The following GRID1 variants were observed in gnomAD, a reference collection of about 807,000 sequenced individuals.
The protein encoded by GRID1 is glutamate ionotropic receptor delta type subunit 1.
Under a neutral mutation model 98.0 loss-of-function variants are expected in GRID1, and 28 were observed. That is an observed-to-expected ratio of 0.29 (90% CI 0.21 to 0.39). The LOEUF is 0.39. Among genes scored for constraint, GRID1 ranks in the 10% least tolerant of loss-of-function variants. The pLI, the probability that GRID1 is intolerant of heterozygous loss-of-function variation, is 1.00. For missense variants in GRID1, 1,111 were observed against 1,340.5 expected, an observed-to-expected ratio of 0.83 and a Z score of 2.67; for synonymous variants, 553 against 538.5, an observed-to-expected ratio of 1.03 and a Z score of -0.37.
intron 12 of GRID1, among the ~76,000 whole-genome samples, chr10:85,696,706 T>C (rs1348735775): frequency 6.6e-5 from 10 of 152,052 alleles, no homozygotes; most frequent in Admixed American, 6.6e-4. Context: ...TGTCTTTATT[T>C]TTCTCTCCTC....
intron 4 of GRID1, among the ~76,000 whole-genome samples, chr10:85,972,458 T>C (rs1842421292): frequency 6.8e-6 from 1 of 148,110 alleles, no homozygotes; most frequent in South Asian, 2.1e-4. Flanking sequence ...AATATATGTA[T>C]ATATTTATAT....
chr10:85,644,971 C>T (rs1400061884), intron 13 of GRID1, among the ~76,000 whole-genome samples: 1 of 152,224 alleles, frequency 6.6e-6, no homozygotes, highest in African/African-American at 2.4e-5. Flanking sequence ...AAGGCCTGTG[C>T]AAGCCTCTTG....
At chr10:85,882,889 T>A (rs1841055549) in intron 5 of GRID1, among the ~76,000 whole-genome samples, 1 of 152,170 alleles carries the variant, frequency 6.6e-6, no homozygotes, top group African/African-American at 2.4e-5. Context: ...TACAGTAGCA[T>A]GTTATGCTAT....
intron 13 of GRID1, among the ~76,000 whole-genome samples, chr10:85,624,871 T>C (rs1199094209): frequency 6.6e-6 from 1 of 152,094 alleles, no homozygotes; most frequent in Non-Finnish European, 1.5e-5. Flanking sequence ...AAATTAAGAG[T>C]TGACTCTAAA....
intron 8 of GRID1, among the ~76,000 whole-genome samples, chr10:85,845,045 C>T (rs1590261586): frequency 6.6e-6 from 1 of 151,496 alleles, no homozygotes; most frequent in Non-Finnish European, 1.5e-5. Flanking sequence ...ATAAAGATGT[C>T]CACTGTTATT....
chr10:86,110,082 C>T (rs1255095283), intron 4 of GRID1, among the ~76,000 whole-genome samples: 1 of 151,022 alleles, frequency 6.6e-6, no homozygotes, highest in Non-Finnish European at 1.5e-5. Flanking sequence ...AAGCAATTCT[C>T]CTGTCTCAGC....
At chr10:86,093,247 G>C (rs1844173060) in intron 4 of GRID1, among the ~76,000 whole-genome samples, 1 of 152,156 alleles carries the variant, frequency 6.6e-6, no homozygotes, top group Admixed American at 6.5e-5. Flanking sequence ...TAAGAGGAAA[G>C]TTCATAGCCC....
rs578083476 is a variant in GRID1, at chr10:85,989,689, C to T, written c.727-73450G>A. On this transcript the variant is annotated intron_variant, in intron 4 of 15. Coordinates refer to ENST00000327946, the MANE Select transcript of GRID1 (RefSeq NM_017551.3). ...AACTAGCCTTCAACCCCCACTGGTCCGTGGAAACATTGTCTTCCACGAAAT... is the reference window on the plus strand; with the variant it reads ...AACTAGCCTTCAACCCCCACTGGTCTGTGGAAACATTGTCTTCCACGAAAT... 3.1e-4 allele frequency among the ~76,000 whole-genome samples: 47 copies of T among 152,296 alleles called. No homozygotes were observed. In the East Asian group the frequency reaches 6.9e-3, roughly 23 times the overall value.
intron 4 of GRID1, among the ~76,000 whole-genome samples, chr10:86,056,638 G>T (rs1306009056): frequency 2.0e-5 from 3 of 152,218 alleles, no homozygotes; most frequent in Admixed American, 6.5e-5. Flanking sequence ...TACAGCCAAA[G>T]AAATGAAGTT....
chr10:85,785,807 G>T (rs1388581984), intron 8 of GRID1, among the ~76,000 whole-genome samples: 1 of 151,924 alleles, frequency 6.6e-6, no homozygotes, highest in African/African-American at 2.4e-5. Context: ...TAAAACCAAA[G>T]ACAGATTGGC....
chr10:86,084,550 G>A (rs530162983), intron 4 of GRID1, among the ~76,000 whole-genome samples: 1 of 152,246 alleles, frequency 6.6e-6, no homozygotes, highest in Admixed American at 6.5e-5. Flanking sequence ...CCCAAAATAA[G>A]TGAAAGCAGG....
rs1335355684 is a variant in GRID1, at chr10:85,724,594, T to C, written c.1616A>G (p.Tyr539Cys). Residue 539 changes from tyrosine to cysteine, a missense_variant, in exon 11 of 16, where the codon TAT becomes TGT. Coordinates refer to ENST00000327946, the MANE Select transcript of GRID1 (RefSeq NM_017551.3). ...VVDFSKRYMD[Y>C]SVGILIKKPE... ...CTTCTTAATTAGAATCCCCACTGAA[T>C]AGTCCATGTACCGCTTGCTGAAGTC... 1 of 1,613,450 alleles carries C rather than the reference T, an allele frequency of 6.2e-7. No individual in the cohort carries two copies. Among genetic ancestry groups the C allele is most frequent in the South Asian group, 1.1e-5 (1 of 91,080 alleles).
rs576530473 is a variant in GRID1 at position 85,717,014 on chromosome 10, A to G, written c.1997+5989T>C. Reference sequence around the variant, plus strand: ...AAAGAGTACAGAATTTCAGTTAGGTATGATGAATAAGATCTGGAGATATAA... The same window carrying G: ...AAAGAGTACAGAATTTCAGTTAGGTGTGATGAATAAGATCTGGAGATATAA... On this transcript the variant is annotated intron_variant, in intron 12 of 15. Coordinates refer to ENST00000327946, the MANE Select transcript of GRID1 (RefSeq NM_017551.3). Among the ~76,000 whole-genome samples the G allele has an allele frequency of 1.1e-4, 17 of 152,296 alleles. No individual in the cohort carries two copies. The East Asian group carries it at 3.3e-3, about 29-fold the overall frequency.
chr10:85,728,766 T>C (rs1316253065), intron 9 of GRID1, among the ~76,000 whole-genome samples: 2 of 152,076 alleles, frequency 1.3e-5, no homozygotes, highest in Non-Finnish European at 2.9e-5. Flanking sequence ...GTATAGCTCA[T>C]TAATTTAGTT....
At chr10:86,161,778 G>A (rs1411030855) in intron 3 of GRID1, among the ~76,000 whole-genome samples, 1 of 152,226 alleles carries the variant, frequency 6.6e-6, no homozygotes, top group African/African-American at 2.4e-5. Flanking sequence ...GCAGGTGGTG[G>A]TGGTCACAAT....
intron 4 of GRID1, among the ~76,000 whole-genome samples, chr10:85,929,060 T>C (rs1257967684): frequency 1.3e-5 from 2 of 152,304 alleles, no homozygotes; most frequent in Admixed American, 1.3e-4. Context: ...GGTCTCAATA[T>C]GTTCGAAAAT....
intron 2 of GRID1, among the ~76,000 whole-genome samples, chr10:86,329,322 C>T (rs1472631582): frequency 6.6e-6 from 1 of 152,206 alleles, no homozygotes; most frequent in Admixed American, 6.5e-5. Context: ...CCTCTAGGGC[C>T]CTCCAAGGCA....
chr10:85,634,071 T>G (rs1843005180), intron 13 of GRID1, among the ~76,000 whole-genome samples: 1 of 151,542 alleles, frequency 6.6e-6, no homozygotes, highest in African/African-American at 2.4e-5. Flanking sequence ...CTTGGGAGGC[T>G]GAGGCAGGAG....
intron 11 of GRID1, 59 bp downstream of exon 11, chr10:85,724,293 A>G (rs1590205386): frequency 2.2e-6 from 3 of 1,358,222 alleles, no homozygotes; most frequent in East Asian, 4.7e-5. Context: ...AACTTTGCCA[A>G]TGGATAAGTT....
Sources: gnomAD v4.1 joint callset for allele counts (sites outside exome capture counted in the v4.1 genomes callset) on GRCh38, gnomAD v4.1.1 for gene constraint, MANE v1.5 for transcripts, NCBI Gene and HGNC (gene_info 2026-07-23, HGNC 2026-07-21) for gene names.